Variants in SRPK2 observed in about 807,000 individuals in gnomAD.
SRPK2 encodes the protein SRSF protein kinase 2.
In SRPK2, 21 loss-of-function variants were observed where a neutral mutation model predicts 90.8. That is an observed-to-expected ratio of 0.23 (90% CI 0.16 to 0.33). SRPK2 has a LOEUF of 0.33. Ranked by LOEUF, SRPK2 falls within the 10% of genes least tolerant of loss-of-function variation. The pLI, the probability that SRPK2 is intolerant of heterozygous loss-of-function variation, is 1.00. For synonymous variants in SRPK2, 288 were observed against 311.1 expected, an observed-to-expected ratio of 0.93 and a Z score of 0.78; for missense variants, 620 against 869.0, an observed-to-expected ratio of 0.71 and a Z score of 3.60.
At chr7:105,220,751 AT>A (rs571616945) in intron 2 of SRPK2, among the ~76,000 whole-genome samples, 113 of 149,258 alleles carry the variant, frequency 7.6e-4, no homozygotes, top group Non-Finnish European at 9.8e-4. Context: ...CACTTTAACC[AT>A]TTTTTTTTTC....
At chr7:105,287,103 T>A (rs1808213467) in intron 2 of SRPK2, among the ~76,000 whole-genome samples, 1 of 149,580 alleles carries the variant, frequency 6.7e-6, no homozygotes, top group Non-Finnish European at 1.5e-5. Flanking sequence ...CTACTAAAAA[T>A]ACAAAAAATT....
At chr7:105,382,373 A>G (rs947895877) in intron 2 of SRPK2, among the ~76,000 whole-genome samples, 1 of 150,546 alleles carries the variant, frequency 6.6e-6, no homozygotes, top group East Asian at 2.0e-4. Flanking sequence ...ACCAAAGTGG[A>G]GAAACCCCGT....
At chr7:105,176,042 A>G (rs1791799016) in intron 3 of SRPK2, among the ~76,000 whole-genome samples, 1 of 152,184 alleles carries the variant, frequency 6.6e-6, no homozygotes, top group Non-Finnish European at 1.5e-5. Context: ...ACTGCAGACC[A>G]ATTTTCCTCA....
At chr7:105,305,448 A>AT (rs1358840475) in intron 2 of SRPK2, among the ~76,000 whole-genome samples, 2 of 152,120 alleles carry the variant, frequency 1.3e-5, no homozygotes, top group Non-Finnish European at 2.9e-5. Flanking sequence ...CACAAAAAAA[A>AT]TTTTCTGCTG....
chr7:105,341,476 C>T (rs986988461), intron 2 of SRPK2, among the ~76,000 whole-genome samples: 15 of 151,634 alleles, frequency 9.9e-5, no homozygotes, highest in African/African-American at 3.4e-4. Context: ...AGTTTGGGAC[C>T]AGCCTGGTCA....
intron 2 of SRPK2, among the ~76,000 whole-genome samples, chr7:105,287,267 A>G (rs1438845672): frequency 8.1e-6 from 1 of 123,674 alleles, no homozygotes; most frequent in Non-Finnish European, 1.7e-5. Context: ...TCTAAAAAAA[A>G]AAAAAAAAAA....
intron 11 of SRPK2, among the ~76,000 whole-genome samples, chr7:105,139,198 C>G (rs1348605552): frequency 6.6e-6 from 1 of 152,096 alleles, no homozygotes; most frequent in African/African-American, 2.4e-5. Flanking sequence ...GGTGAGCATA[C>G]TGCAAAGACA....
intron 2 of SRPK2, among the ~76,000 whole-genome samples, chr7:105,337,503 C>A (rs1815244018): frequency 6.6e-6 from 1 of 151,246 alleles, no homozygotes. Context: ...TTAGTAGAGA[C>A]AGGGTTTCAC....
chr7:105,117,546 C>A lies in SRPK2; in HGVS notation c.*292G>T, dbSNP rs1799746309. On this transcript the variant is annotated 3_prime_UTR_variant, in exon 16 of 16. Transcript: ENST00000393651. ...CACAAAGGGGAAAGTATTTTTCATT[C>A]AAAAAAATGACATTTGAATGTCACA... The A allele has an allele frequency of 6.0e-6, 2 of 335,888 alleles. No homozygotes were observed. The highest frequency in any genetic ancestry group is 1.1e-5 in the Non-Finnish European group (2 of 186,104). 20.8% of individuals were successfully genotyped at this position (335,888 alleles called of 1,614,324 possible).
At chr7:105,179,864 G>C (rs1585075610) in intron 3 of SRPK2, among the ~76,000 whole-genome samples, 2 of 148,490 alleles carry the variant, frequency 1.3e-5, no homozygotes, top group East Asian at 3.9e-4. Flanking sequence ...AAATATCTTG[G>C]AGTACAGCTA....
intron 2 of SRPK2, among the ~76,000 whole-genome samples, chr7:105,372,006 G>A (rs1819744510): frequency 6.6e-6 from 1 of 151,738 alleles, no homozygotes; most frequent in Admixed American, 6.6e-5. Flanking sequence ...GTGGTGGCGG[G>A]CGCCTGTAGT....
chr7:105,331,773 T>C (rs1814444961), intron 2 of SRPK2, among the ~76,000 whole-genome samples: 2 of 151,906 alleles, frequency 1.3e-5, no homozygotes, highest in Admixed American at 1.3e-4. Flanking sequence ...AAGACACATA[T>C]CTCCAAGGGA....
At chr7:105,171,768 T>C (rs1334103975) in intron 3 of SRPK2, among the ~76,000 whole-genome samples, 3 of 152,218 alleles carry the variant, frequency 2.0e-5, no homozygotes, top group Admixed American at 6.5e-5. Context: ...GGGCTAAATA[T>C]ATGAACTAAA....
chr7:105,155,620 T>C (rs900986708), intron 7 of SRPK2, among the ~76,000 whole-genome samples: 2 of 151,816 alleles, frequency 1.3e-5, no homozygotes, highest in African/African-American at 4.8e-5. Flanking sequence ...AGCCCTAGGG[T>C]TGAGATGGGG....
At chr7:105,268,877 A>G in intron 2 of SRPK2, 1 of 1,586,008 alleles carries the variant, frequency 6.3e-7, no homozygotes, top group Non-Finnish European at 8.6e-7. Context: ...TTTCTGGAAA[A>G]ATCAGAAAAT....
At chr7:105,257,873 A>T (rs1247567750) in intron 2 of SRPK2, among the ~76,000 whole-genome samples, 1 of 152,216 alleles carries the variant, frequency 6.6e-6, no homozygotes, top group Non-Finnish European at 1.5e-5. Context: ...GCACATTGGG[A>T]GTCCGAGGCA....
chr7:105,190,259 AT>A (rs1217443802), intron 3 of SRPK2, among the ~76,000 whole-genome samples: 1 of 152,216 alleles, frequency 6.6e-6, no homozygotes, highest in African/African-American at 2.4e-5. Flanking sequence ...GCCCATCTAT[AT>A]TCAAACAATA....
chr7:105,280,141 C>T (rs993909197), intron 2 of SRPK2, among the ~76,000 whole-genome samples: 8 of 152,102 alleles, frequency 5.3e-5, no homozygotes, highest in Non-Finnish European at 1.2e-4. Flanking sequence ...TTAAGCTGAG[C>T]GCAGTGGCTC....
chr7:105,261,484 G>A (rs1481824048), intron 2 of SRPK2, among the ~76,000 whole-genome samples: 1 of 151,546 alleles, frequency 6.6e-6, no homozygotes, highest in Non-Finnish European at 1.5e-5. Context: ...TCGCGCCACT[G>A]CACTCCAGCC....
Sources: gnomAD v4.1 joint callset for allele counts (sites outside exome capture counted in the v4.1 genomes callset) on GRCh38, gnomAD v4.1.1 for gene constraint, MANE v1.5 for transcripts, NCBI Gene and HGNC (gene_info 2026-07-23, HGNC 2026-07-21) for gene names.